Variants in MANBA observed in about 807,000 individuals in gnomAD.
MANBA encodes mannosidase beta, also known as beta-mannosidase.
Under a neutral mutation model 111.1 loss-of-function variants are expected in MANBA, and 83 were observed. The ratio of observed to expected loss-of-function variants is 0.75; its 90% confidence interval spans 0.63 to 0.90. The LOEUF (loss-of-function observed/expected upper bound fraction) is 0.90. Ranked by LOEUF, MANBA falls within the 40% of genes least tolerant of loss-of-function variation. The pLI is 0.00. For synonymous variants in MANBA, 370 were observed against 378.7 expected (o/e 0.98, Z 0.27); for missense variants, 1,036 against 1,069.0 (o/e 0.97, Z 0.43).
intron 13 of MANBA, among the ~76,000 whole-genome samples, chr4:102,642,373 T>C (rs909091606): frequency 2.0e-5 from 3 of 152,130 alleles, no homozygotes; most frequent in Middle Eastern, 3.2e-3. Context: ...TTTGGGAGGC[T>C]GGGGTGGGTG....
At chr4:102,656,930 G>A (rs2110208955) in intron 12 of MANBA, among the ~76,000 whole-genome samples, 1 of 152,216 alleles carries the variant, frequency 6.6e-6, no homozygotes, top group East Asian at 1.9e-4. Context: ...GAGGGATAGG[G>A]AAAAATAGGG....
At chr4:102,706,924 A>G (rs1733323481) in intron 5 of MANBA, among the ~76,000 whole-genome samples, 1 of 152,214 alleles carries the variant, frequency 6.6e-6, no homozygotes, top group African/African-American at 2.4e-5. Context: ...ACTACATGAC[A>G]TATGGAATAC....
At chr4:102,755,878 C>T (rs1157871407) in intron 1 of MANBA, among the ~76,000 whole-genome samples, 2 of 152,184 alleles carry the variant, frequency 1.3e-5, no homozygotes, top group African/African-American at 2.4e-5. Flanking sequence ...AAAAAATGCT[C>T]ATCATCACTG....
At position 102,639,811 on chromosome 4, in the gene MANBA, C is replaced by T. The variant is rs536744758; in HGVS notation, c.1916G>A (p.Arg639His). The stretch of plus-strand genomic sequence containing the variant: ...CTGATCCACTATCTCGCTGCGACTA[C>T]GGCGGTAGAATTCAGTTTCTGTTTT... Reference protein sequence around the residue: ...CVKTETEFYRRSRSEIVDQQG... With the variant: ...CVKTETEFYRHSRSEIVDQQG... The change falls in exon 14 of 17, where the codon CGT (arginine) becomes CAT (histidine). Residue 639 changes from arginine (R) to histidine (H), a missense_variant. Coordinates refer to ENST00000647097, the MANE Select transcript of MANBA (RefSeq NM_005908.4). 5.2e-5 allele frequency: 84 copies of T among 1,614,076 alleles called. No homozygotes were observed. Among genetic ancestry groups the T allele is most frequent in the Admixed American group, 2.3e-4 (14 of 60,016 alleles).
At position 102,730,761 on chromosome 4, in the gene MANBA, T is replaced by C. The variant is rs183365222; in HGVS notation, c.178-4078A>G. 400 of 484,374 alleles carry C rather than the reference T, an allele frequency of 8.3e-4. 1 individual carries two copies. Among genetic ancestry groups the C allele is most frequent in the African/African-American group, 7.1e-3 (356 of 50,410 alleles). 30.0% of individuals were successfully genotyped at this position (484,374 alleles called of 1,614,324 possible). ...ACTGTCAGGTAAGACACAATAAGTCTTTCTGAGTTTCTCTTATAGGGTTTA... is the reference window on the plus strand; with the variant it reads ...ACTGTCAGGTAAGACACAATAAGTCCTTCTGAGTTTCTCTTATAGGGTTTA... On this transcript the variant is annotated intron_variant, in intron 1 of 16. Coordinates refer to ENST00000647097, the MANE Select transcript of MANBA (RefSeq NM_005908.4).
At chr4:102,695,760 A>C (rs1732679588) in intron 5 of MANBA, among the ~76,000 whole-genome samples, 1 of 152,210 alleles carries the variant, frequency 6.6e-6, no homozygotes, top group South Asian at 2.1e-4. Flanking sequence ...TGACACTCAC[A>C]GGTACACAAC....
Position 102,690,736 on chromosome 4 carries a change from A to G in MANBA, c.709T>C (p.Ser237Pro), listed in dbSNP as rs990580611. 1 of 1,591,220 alleles carries G rather than the reference A, an allele frequency of 6.3e-7. No individual in the cohort carries two copies. The highest frequency in any genetic ancestry group is 8.6e-7 in the Non-Finnish European group (1 of 1,166,328). ...SAQEWNLEIE[S>P]TFDVVSSKPV... The stretch of plus-strand genomic sequence containing the variant: ...TTTGAGCTGACAACATCAAATGTAG[A>G]CTCTATTTCCAGATTCCACTCCTGG... Residue 237 changes from serine (S) to proline (P), a missense_variant, in exon 6 of 17, where the codon TCT becomes CCT. By Grantham distance (74) the Ser-to-Pro change is moderately conservative. Transcript: ENST00000647097.
At chr4:102,668,847 G>T in intron 10 of MANBA, 116 bp downstream of exon 10, 1 of 809,876 alleles carries the variant, frequency 1.2e-6, no homozygotes, top group Non-Finnish European at 2.1e-6. Context: ...ACCTGGCTGT[G>T]TAATTTTTCA....
At chr4:102,655,008 C>T (rs554520207) in intron 12 of MANBA, among the ~76,000 whole-genome samples, 6 of 152,036 alleles carry the variant, frequency 3.9e-5, no homozygotes, top group East Asian at 1.9e-4. Flanking sequence ...AGGATTCAAG[C>T]GCAATATACA....
chr4:102,729,256 TCA>T (rs914868564), intron 1 of MANBA: 139 of 750,550 alleles, frequency 1.9e-4, no homozygotes, highest in Non-Finnish European at 3.2e-4. Context: ...CTCAGAAATC[TCA>T]GTCTTTGTAC....
At chr4:102,733,839 C>T (rs536375180) in intron 1 of MANBA, among the ~76,000 whole-genome samples, 1 of 152,196 alleles carries the variant, frequency 6.6e-6, no homozygotes, top group Non-Finnish European at 1.5e-5. Context: ...TCATGAATCA[C>T]AAATAAAAAA....
chr4:102,726,839 A>G (rs779064079), intron 1 of MANBA, among the ~76,000 whole-genome samples, 156 bp from the exon 2 acceptor site: 2 of 152,268 alleles, frequency 1.3e-5, no homozygotes, highest in Non-Finnish European at 1.5e-5. Flanking sequence ...GATCGTTAAT[A>G]CTGAAAAATG....
At chr4:102,724,071 AAT>A in intron 2 of MANBA, 104 bp from the exon 3 acceptor site, 1 of 704,446 alleles carries the variant, frequency 1.4e-6, no homozygotes, top group South Asian at 1.7e-5. Context: ...TTCCACAAAA[AAT>A]ATATGTTCTT....
intron 13 of MANBA, among the ~76,000 whole-genome samples, chr4:102,645,065 T>C (rs932581870): frequency 6.6e-6 from 1 of 152,080 alleles, no homozygotes; most frequent in African/African-American, 2.4e-5. Flanking sequence ...TTAAAATCTT[T>C]TTTTCAACAG....
intron 10 of MANBA, chr4:102,667,126 G>A (rs1731262681): frequency 6.6e-6 from 1 of 152,150 alleles, no homozygotes; most frequent in Admixed American, 6.5e-5. Flanking sequence ...AACTTTGATA[G>A]CTTCCTTGTT....
At chr4:102,721,165 A>T (rs1326209675) in intron 4 of MANBA, among the ~76,000 whole-genome samples, 1 of 152,172 alleles carries the variant, frequency 6.6e-6, no homozygotes, top group East Asian at 1.9e-4. Context: ...CTCTACTAAA[A>T]ATTAAAAAAT....
At chr4:102,704,241 G>A (rs578190902) in intron 5 of MANBA, among the ~76,000 whole-genome samples, 8 of 152,128 alleles carry the variant, frequency 5.3e-5, no homozygotes, top group Non-Finnish European at 7.3e-5. Context: ...TGATAAATCA[G>A]CTCTGTCTAG....
chr4:102,672,637 T>C (rs1380158278), intron 8 of MANBA, among the ~76,000 whole-genome samples: 1 of 152,214 alleles, frequency 6.6e-6, no homozygotes, highest in Non-Finnish European at 1.5e-5. Flanking sequence ...GACTGGACCA[T>C]GGATCAGGTG....
intron 1 of MANBA, chr4:102,734,589 A>G (rs1723142605): frequency 6.2e-7 from 1 of 1,606,724 alleles, no homozygotes; most frequent in East Asian, 2.2e-5. Context: ...CAAGAGGCCC[A>G]AGAAAGAGAC....
Sources: allele counts gnomAD v4.1 joint callset (sites outside exome capture counted in the v4.1 genomes callset), GRCh38; gene constraint gnomAD v4.1.1; transcripts MANE v1.5; gene names NCBI Gene and HGNC (gene_info 2026-07-23, HGNC 2026-07-21).